LRPAP1: variants seen among roughly 807,000 people sequenced by gnomAD.
LRPAP1 encodes LDL receptor related protein associated protein 1.
LRPAP1 carries 41 observed loss-of-function variants against 39.9 expected under a neutral mutation model. That is an observed-to-expected ratio of 1.03 (90% CI 0.80 to 1.33). LRPAP1 has a LOEUF of 1.33. Ranked by LOEUF, LRPAP1 falls within the 40% of genes most tolerant of loss-of-function variation. The probability of loss-of-function intolerance (pLI) is 0.00; values close to 1 mark genes in which losing one functional copy is unlikely to be tolerated. For synonymous variants in LRPAP1, 263 were observed against 212.7 expected (o/e 1.24, Z -2.06); for missense variants, 565 against 482.3 (o/e 1.17, Z -1.61).
At position 3,532,257 on chromosome 4, in the gene LRPAP1, C is replaced by T. The variant is rs1462401783; in HGVS notation, c.156G>A (p.Glu52=). The T allele has an allele frequency of 1.9e-6, 3 of 1,553,128 alleles. No homozygotes were observed. Among genetic ancestry groups the T allele is most frequent in the Non-Finnish European group, 2.6e-6 (3 of 1,147,948 alleles). Residue 52 remains glutamate (E), a synonymous_variant, in exon 1 of 8, where the codon GAG becomes GAA. Coordinates refer to ENST00000650182, the MANE Select transcript of LRPAP1 (RefSeq NM_002337.4). ...GGTTCAACTTCTCCATGCGGAACTC[C>T]TCTCCGGACTCGCGTTTCGGGGACG... is the stretch of plus-strand genomic sequence containing the variant. ...PKPSPKRESG[E]EFRMEKLNQL... is the part of the protein sequence containing the mutation.
chr4:3,521,012 G>T (rs1729894278), intron 2 of LRPAP1, among the ~76,000 whole-genome samples: 1 of 152,222 alleles, frequency 6.6e-6, no homozygotes, highest in Admixed American at 6.5e-5. Context: ...GCAGAGCCTG[G>T]GGGCTGGCCT....
rs1482865950 is a variant in LRPAP1 at position 3,512,939 on chromosome 4, G to T, written c.*35C>A. The stretch of plus-strand genomic sequence containing the variant: ...CCAAGAGCCCAGGTCCTTCACGCTG[G>T]CCTCTTCCCTGCCGGGCTGGGCTCC... On this transcript the variant is annotated 3_prime_UTR_variant, in exon 8 of 8. Transcript: ENST00000650182. 4 of 1,589,658 alleles carry T rather than the reference G, an allele frequency of 2.5e-6. No homozygotes were observed. In the African/African-American group the frequency reaches 5.4e-5, roughly 21 times the overall value.
Position 3,520,284 on chromosome 4 carries a change from G to C in LRPAP1, c.350-91C>G, listed in dbSNP as rs1321277707. 3 of 1,377,326 alleles carry C rather than the reference G, an allele frequency of 2.2e-6. No homozygotes were observed. In the Admixed American group the frequency reaches 6.1e-5, roughly 28 times the overall value. 85.3% of individuals were successfully genotyped at this position (1,377,326 alleles called of 1,614,324 possible). A position where few individuals can be genotyped will look rare whatever the true frequency, so the allele number is the denominator to read the frequency against. ...CTGGGTTGCCACGGTGGGTGAGACA[G>C]GTTTGCCTCTCATTTTCCAGTAGTT... On this transcript the variant is annotated intron_variant, in intron 2 of 7. Coordinates refer to ENST00000650182, the MANE Select transcript of LRPAP1 (RefSeq NM_002337.4).
chr4:3,513,171 C>T (rs947907353), intron 7 of LRPAP1, 135 bp from the exon 8 acceptor site: 4 of 649,530 alleles, frequency 6.2e-6, no homozygotes, highest in Non-Finnish European at 1.1e-5. Flanking sequence ...TCCAATTCCA[C>T]ACCCATCCAG....
Position 3,512,926 on chromosome 4 carries a change from G to A in LRPAP1, c.*48C>T. On this transcript the variant is annotated 3_prime_UTR_variant, in exon 8 of 8. Transcript: ENST00000650182. ...GGAAATGCCACGGCCAAGAGCCCAG[G>A]TCCTTCACGCTGGCCTCTTCCCTGC... 1.3e-6 allele frequency: 2 copies of A among 1,552,140 alleles called. No individual in the cohort carries two copies. The highest frequency in any genetic ancestry group is 1.8e-6 in the Non-Finnish European group (2 of 1,139,916).
chr4:3,505,389 T>C lies in LRPAP1; in HGVS notation c.*7585A>G, dbSNP rs1018605950. Among the ~76,000 whole-genome samples, 1 of 152,224 alleles carries C rather than the reference T, an allele frequency of 6.6e-6. No homozygotes were observed. Among genetic ancestry groups the C allele is most frequent in the Non-Finnish European group, 1.5e-5 (1 of 68,030 alleles). Reference sequence around the variant, plus strand: ...CTCGCCAGGCTGCTGGCCCCATCGCTGGGAAGGAGTGGTTTGACCCCTCAC... The same window carrying C: ...CTCGCCAGGCTGCTGGCCCCATCGCCGGGAAGGAGTGGTTTGACCCCTCAC... On this transcript the variant is annotated 3_prime_UTR_variant, in exon 8 of 8. Transcript: ENST00000650182.
At chr4:3,518,801 C>A in intron 4 of LRPAP1, 70 bp downstream of exon 4, 1 of 995,862 alleles carries the variant, frequency 1.0e-6, no homozygotes, top group Non-Finnish European at 1.4e-6. Flanking sequence ...CAACGAGCCT[C>A]AGGTGCAGGA....
In LRPAP1 at chr4:3,516,183, C is replaced by T; in HGVS notation, c.767G>A (p.Arg256Lys). The part of the protein sequence containing the change: ...YSTEAEFEEP[R>K]VIDLWDLAQS... ...CGCCAGGTCCCACAGGTCAATCACCCTGGGCTCCTCGAACTCTGCAGGGGA... is the reference window on the plus strand; with the variant it reads ...CGCCAGGTCCCACAGGTCAATCACCTTGGGCTCCTCGAACTCTGCAGGGGA... Residue 256 changes from arginine to lysine, a missense_variant, in exon 6 of 8, where the codon AGG becomes AAG. By Grantham distance (26) the Arg-to-Lys change is conservative (BLOSUM62 2). Coordinates refer to ENST00000650182, the MANE Select transcript of LRPAP1 (RefSeq NM_002337.4). 6.3e-7 allele frequency: 1 copy of T among 1,575,458 alleles called. No homozygotes were observed. The highest frequency in any genetic ancestry group is 8.6e-7 in the Non-Finnish European group (1 of 1,160,826).
chr4:3,511,171 G>A lies in LRPAP1; in HGVS notation c.*1803C>T, dbSNP rs748498581. On this transcript the variant is annotated 3_prime_UTR_variant, in exon 8 of 8. Coordinates refer to ENST00000650182, the MANE Select transcript of LRPAP1 (RefSeq NM_002337.4). Reference sequence around the variant, plus strand: ...GAAAGAAACACAGTCCAACCACTTTGGAATCATCTCTATACTTGGACAACA... The same window carrying A: ...GAAAGAAACACAGTCCAACCACTTTAGAATCATCTCTATACTTGGACAACA... 5.9e-5 allele frequency: 9 copies of A among 152,184 alleles called. No individual in the cohort carries two copies. The highest frequency in any genetic ancestry group is 8.8e-5 in the Non-Finnish European group (6 of 68,034). 9.4% of individuals were successfully genotyped at this position (152,184 alleles called of 1,614,324 possible). A position where few individuals can be genotyped will look rare whatever the true frequency, so the allele number is the denominator to read the frequency against.
chr4:3,514,808 G>A lies in LRPAP1; in HGVS notation c.955C>T (p.Arg319Cys), dbSNP rs753917366. ...ESVGDGERVSRSREKHALLEG... is the reference protein window; with the variant it reads ...ESVGDGERVSCSREKHALLEG... Reference sequence around the variant, plus strand: ...AGCAGGGCGTGCTTCTCGCGGCTGCGGCTCACACGCTCGCCGTCGCCCACG... The same window carrying A: ...AGCAGGGCGTGCTTCTCGCGGCTGCAGCTCACACGCTCGCCGTCGCCCACG... Residue 319 changes from arginine to cysteine, a missense_variant, in exon 7 of 8, where the codon CGC (arginine) becomes TGC (cysteine). Transcript: ENST00000650182. 15 of 1,613,196 alleles carry A rather than the reference G, an allele frequency of 9.3e-6. No individual in the cohort carries two copies. The highest frequency in any genetic ancestry group is 3.3e-5 in the South Asian group (3 of 91,080).
intron 7 of LRPAP1, 21 bp from the exon 8 acceptor site, chr4:3,513,057 T>C: frequency 6.2e-7 from 1 of 1,604,588 alleles, no homozygotes; most frequent in Non-Finnish European, 8.5e-7. Context: ...AAACGTCTCA[T>C]CAGCTGGGGA....
intron 1 of LRPAP1, among the ~76,000 whole-genome samples, chr4:3,531,566 C>CGG (rs1456857858): frequency 1.3e-5 from 2 of 152,162 alleles, no homozygotes; most frequent in African/African-American, 4.8e-5. Flanking sequence ...GCTGTTGTCC[C>CGG]GGGGGGCCCC....
chr4:3,525,657 G>C (rs566545700), intron 1 of LRPAP1, among the ~76,000 whole-genome samples: 2 of 152,272 alleles, frequency 1.3e-5, no homozygotes, highest in South Asian at 4.1e-4. Flanking sequence ...CCCGGAACGA[G>C]CTGCCGCACT....
chr4:3,513,078 C>T (rs754148093), intron 7 of LRPAP1, 42 bp from the exon 8 acceptor site: 207 of 1,510,970 alleles, frequency 1.4e-4, no homozygotes, highest in Middle Eastern at 1.7e-4. Flanking sequence ...CAGCGCGCCT[C>T]GAGGCCAGCT....
chr4:3,531,970 T>G (rs977862093), intron 1 of LRPAP1: 5 of 558,140 alleles, frequency 9.0e-6, no homozygotes, highest in Admixed American at 3.4e-5. Context: ...ACCCTCGGGG[T>G]GCCGGCCGCC....
In LRPAP1 at chr4:3,506,005, C is replaced by G. The variant is rs1308921110; in HGVS notation, c.*6969G>C. On this transcript the variant is annotated 3_prime_UTR_variant, in exon 8 of 8. Coordinates refer to ENST00000650182, the MANE Select transcript of LRPAP1 (RefSeq NM_002337.4). Reference sequence around the variant, plus strand: ...AACCTAGAGATACCTGGAAACCCAGCTTAGGGAAGTAAAAAAAAAATCACT... The same window carrying G: ...AACCTAGAGATACCTGGAAACCCAGGTTAGGGAAGTAAAAAAAAAATCACT... Among the ~76,000 whole-genome samples the G allele has an allele frequency of 6.8e-6, 1 of 147,300 alleles. No individual in the cohort carries two copies. The highest frequency in any genetic ancestry group is 2.0e-4 in the East Asian group (1 of 5,122).
intron 1 of LRPAP1, among the ~76,000 whole-genome samples, chr4:3,526,111 C>A (rs1378618031): frequency 6.6e-6 from 1 of 152,254 alleles, no homozygotes; most frequent in African/African-American, 2.4e-5. Flanking sequence ...GGAGGCTGCA[C>A]CGCATGCCTG....
At chr4:3,528,434 TG>T (rs1730144117) in intron 1 of LRPAP1, among the ~76,000 whole-genome samples, 1 of 152,194 alleles carries the variant, frequency 6.6e-6, no homozygotes, top group South Asian at 2.1e-4. Flanking sequence ...CAGAGCTTTC[TG>T]GAACTTTCCA....
Position 3,524,243 on chromosome 4 carries a change from G to A in LRPAP1, c.349+664C>T, listed in dbSNP as rs565726442. On this transcript the variant is annotated intron_variant, in intron 2 of 7. Transcript: ENST00000650182. ...CAACTCTGTCATTTAAAACCCTCCC[G>A]GCTCTGAGGACACACCTGTCTTCCG... Among the ~76,000 whole-genome samples the A allele has an allele frequency of 1.1e-4, 16 of 152,292 alleles. No individual in the cohort carries two copies. In the South Asian group the frequency reaches 2.5e-3, roughly 24 times the overall value.
Sources: allele counts gnomAD v4.1 joint callset (sites outside exome capture counted in the v4.1 genomes callset), GRCh38; gene constraint gnomAD v4.1.1; transcripts MANE v1.5; gene names NCBI Gene and HGNC (gene_info 2026-07-23, HGNC 2026-07-21).